Variants in SH2D4A observed in about 807,000 individuals in gnomAD.
The protein encoded by SH2D4A is SH2 domain containing 4A, also known as SH2 domain-containing protein 4A.
SH2D4A carries 70 observed loss-of-function variants against 64.7 expected under a neutral mutation model. The observed-to-expected ratio is 1.08, with a 90% CI of 0.89 to 1.32. SH2D4A has a LOEUF of 1.32. SH2D4A is among the 40% of genes most tolerant of loss of function. SH2D4A has a pLI of 0.00. For synonymous variants in SH2D4A, 268 were observed against 200.7 expected, an observed-to-expected ratio of 1.34 and a Z score of -2.83; for missense variants, 706 against 540.1, an observed-to-expected ratio of 1.31 and a Z score of -3.04.
intron 8 of SH2D4A, among the ~76,000 whole-genome samples, chr8:19,392,066 T>G (rs1032835696): frequency 1.3e-5 from 2 of 152,158 alleles, no homozygotes; most frequent in Non-Finnish European, 2.9e-5. Context: ...CAGCATTATC[T>G]ATTCATTGAT....
intron 7 of SH2D4A, among the ~76,000 whole-genome samples, chr8:19,370,281 T>G (rs939917272): frequency 2.0e-5 from 3 of 151,896 alleles, no homozygotes; most frequent in Non-Finnish European, 4.4e-5. Context: ...CATTCTAGAG[T>G]GTGGTTTAAT....
rs572939721 is a variant in SH2D4A, at chr8:19,370,564, T to G, written c.918-2966T>G. Among the ~76,000 whole-genome samples the G allele has an allele frequency of 1.1e-4, 17 of 152,232 alleles. No individual in the cohort carries two copies. The East Asian group carries it at 3.1e-3, about 28-fold the overall frequency. ...ATAAATATAGCTACTCCTGTTGTCTTTTGGTTTCCATTTGCATACAATGTT... is the reference window on the plus strand; with the variant it reads ...ATAAATATAGCTACTCCTGTTGTCTGTTGGTTTCCATTTGCATACAATGTT... On this transcript the variant is annotated intron_variant, in intron 7 of 9. Coordinates refer to ENST00000265807, the MANE Select transcript of SH2D4A (RefSeq NM_022071.4).
chr8:19,350,943 A>G (rs1402242534), intron 4 of SH2D4A, among the ~76,000 whole-genome samples: 1 of 152,174 alleles, frequency 6.6e-6, no homozygotes, highest in African/African-American at 2.4e-5. Flanking sequence ...GTCCTAATTC[A>G]TGTGTCAGTA....
chr8:19,343,064 C>G (rs935936681), intron 4 of SH2D4A, among the ~76,000 whole-genome samples: 7 of 152,138 alleles, frequency 4.6e-5, no homozygotes, highest in African/African-American at 7.2e-5. Context: ...TACTGCTGGA[C>G]TGGTTACCTA....
In SH2D4A at chr8:19,378,302, CT is replaced by C. The variant is rs1227812670; in HGVS notation, c.1048+4645del. ...ATGAGGTTAAATTTAGCTATTTTTC[CT>C]TTATAGTTTCTGCTTGTTGTATCAT... On this transcript the variant is annotated intron_variant, in intron 8 of 9. Coordinates refer to ENST00000265807, the MANE Select transcript of SH2D4A (RefSeq NM_022071.4). 9.2e-5 allele frequency among the ~76,000 whole-genome samples: 14 copies of C among 152,128 alleles called. No homozygotes were observed. The East Asian group carries it at 2.7e-3, about 29-fold the overall frequency.
chr8:19,320,268 A>G lies in SH2D4A; in HGVS notation c.181+540A>G, dbSNP rs569982515. The stretch of plus-strand genomic sequence containing the variant: ...AGATGTAAACTTTTCCTCGTTATCA[A>G]AGGAATCTCTGGTAGTTTGAGAGGG... On this transcript the variant is annotated intron_variant, in intron 2 of 9. Transcript: ENST00000265807. 1.2e-4 allele frequency among the ~76,000 whole-genome samples: 19 copies of G among 152,210 alleles called. No individual in the cohort carries two copies. The East Asian group carries it at 3.7e-3, about 29-fold the overall frequency.
intron 2 of SH2D4A, among the ~76,000 whole-genome samples, chr8:19,327,513 C>A (rs895011152): frequency 2.6e-5 from 4 of 152,160 alleles, no homozygotes; most frequent in African/African-American, 7.2e-5. Flanking sequence ...CTTCTCTTAC[C>A]AGACTGGAGC....
At position 19,357,278 on chromosome 8, in the gene SH2D4A, C is replaced by T; in HGVS notation, c.589C>T (p.His197Tyr). Residue 197 changes from histidine to tyrosine, a missense_variant, in exon 5 of 10, where the codon CAC becomes TAC. His to Tyr is a moderately conservative substitution (Grantham distance 83, BLOSUM62 2). Coordinates refer to ENST00000265807, the MANE Select transcript of SH2D4A (RefSeq NM_022071.4). ...CAATCGTATGAAGGCATATGCATTT[C>T]ACCAGGTAAAAGACTTCCCTTCTGT... ...SINRMKAYAF[H>Y]QKKESMKKKQ... is the part of the protein sequence containing the mutation. The T allele has an allele frequency of 1.9e-6, 3 of 1,612,416 alleles. No homozygotes were observed. The highest frequency in any genetic ancestry group is 1.7e-6 in the Non-Finnish European group (2 of 1,178,422).
chr8:19,381,753 C>T (rs909743341), intron 8 of SH2D4A, among the ~76,000 whole-genome samples: 12 of 152,272 alleles, frequency 7.9e-5, no homozygotes, highest in African/African-American at 2.9e-4. Flanking sequence ...TGTCATTCAA[C>T]ATAAGTATGA....
chr8:19,394,734 C>G lies in SH2D4A; in HGVS notation c.*92C>G, dbSNP rs943214313. 1.1e-6 allele frequency: 1 copy of G among 911,242 alleles called. No homozygotes were observed. Among genetic ancestry groups the G allele is most frequent in the African/African-American group, 1.7e-5 (1 of 58,878 alleles). 56.4% of individuals were successfully genotyped at this position (911,242 alleles called of 1,614,324 possible). ...ATTTATGTGTGAAGCCAAAATCACC[C>G]TGCAGCAGAGCCAATACTGATCAAC... On this transcript the variant is annotated 3_prime_UTR_variant, in exon 10 of 10. Coordinates refer to ENST00000265807, the MANE Select transcript of SH2D4A (RefSeq NM_022071.4).
intron 4 of SH2D4A, among the ~76,000 whole-genome samples, chr8:19,356,506 G>A (rs2052794021): frequency 6.6e-6 from 1 of 152,214 alleles, no homozygotes; most frequent in Admixed American, 6.5e-5. Context: ...ACTCCAGCCA[G>A]GGACTGATGG....
rs2052952883 is a variant in SH2D4A at position 19,364,416 on chromosome 8, G to A, written c.917+134G>A. The A allele has an allele frequency of 4.2e-6, 4 of 944,848 alleles. No individual in the cohort carries two copies. In the Admixed American group the frequency reaches 7.3e-5, roughly 17 times the overall value. The allele number at this position is 944,848 out of a possible 1,614,324, so 58.5% of individuals were successfully genotyped here. A position where few individuals can be genotyped will look rare whatever the true frequency, so the allele number is the denominator to read the frequency against. ...CTGGCAGCCTGTGTAAGTAGCTCAGGTTCATGTCTAAGCCTTCTTCCTGGG... is the reference window on the plus strand; with the variant it reads ...CTGGCAGCCTGTGTAAGTAGCTCAGATTCATGTCTAAGCCTTCTTCCTGGG... On this transcript the variant is annotated intron_variant, in intron 7 of 9. Transcript: ENST00000265807.
rs1412656534 is a variant in SH2D4A, at chr8:19,395,701, C to G, written c.*1059C>G. The G allele has an allele frequency of 6.6e-6, 1 of 152,192 alleles. No individual in the cohort carries two copies. The highest frequency in any genetic ancestry group is 1.5e-5 in the Non-Finnish European group (1 of 68,078). 9.4% of individuals were successfully genotyped at this position (152,192 alleles called of 1,614,324 possible). A position where few individuals can be genotyped will look rare whatever the true frequency, so the allele number is the denominator to read the frequency against. On this transcript the variant is annotated 3_prime_UTR_variant, in exon 10 of 10. Coordinates refer to ENST00000265807, the MANE Select transcript of SH2D4A (RefSeq NM_022071.4). ...ATCTCCGGCCACCAGCAGAAGCCAG[C>G]AGAGAGGCATGGGACAGGTTCCCCA...
chr8:19,335,359 A>T (rs1228338601), intron 4 of SH2D4A, among the ~76,000 whole-genome samples: 1 of 152,194 alleles, frequency 6.6e-6, no homozygotes, highest in East Asian at 1.9e-4. Flanking sequence ...TACATCATGG[A>T]AAATAAAGCA....
chr8:19,377,066 A>G (rs2053207868), intron 8 of SH2D4A, among the ~76,000 whole-genome samples: 1 of 152,186 alleles, frequency 6.6e-6, no homozygotes. Flanking sequence ...TATTTACTTC[A>G]TATCTGTTTT....
At chr8:19,392,620 C>T (rs1453536224) in intron 8 of SH2D4A, among the ~76,000 whole-genome samples, 5 of 152,106 alleles carry the variant, frequency 3.3e-5, no homozygotes, top group African/African-American at 1.2e-4. Context: ...TCTTTAAATC[C>T]CCTCCCAGAT....
rs146674349 is a variant in SH2D4A, at chr8:19,360,214, C to G, written c.595-989C>G. On this transcript the variant is annotated intron_variant, in intron 5 of 9. Transcript: ENST00000265807. ...GAATTTTACCCTAAGTTTTAAAAAC[C>G]TAATTCTCCTTTTAAAGGAATATTT... 1.1e-4 allele frequency among the ~76,000 whole-genome samples: 17 copies of G among 151,806 alleles called. No homozygotes were observed. In the East Asian group the frequency reaches 3.3e-3, roughly 29 times the overall value.
intron 8 of SH2D4A, among the ~76,000 whole-genome samples, chr8:19,381,547 A>C (rs1198097296): frequency 3.9e-5 from 6 of 152,132 alleles, no homozygotes; most frequent in African/African-American, 1.4e-4. Context: ...ATTAGTTTTA[A>C]CAGTTTTTTG....
chr8:19,387,587 G>C (rs1014036433), intron 8 of SH2D4A, among the ~76,000 whole-genome samples: 1 of 152,192 alleles, frequency 6.6e-6, no homozygotes. Context: ...ATGCTTTCTG[G>C]ACAGTTTCTT....
Sources: gnomAD v4.1 joint callset for allele counts (sites outside exome capture counted in the v4.1 genomes callset) on GRCh38, gnomAD v4.1.1 for gene constraint, MANE v1.5 for transcripts, NCBI Gene and HGNC (gene_info 2026-07-23, HGNC 2026-07-21) for gene names.